The following PDZK1 variants were observed in gnomAD, a reference collection of about 807,000 sequenced individuals.
PDZK1 encodes PDZ domain containing 1, also known as Na(+)/H(+) exchange regulatory cofactor NHE-RF3.
A neutral mutation model predicts 38.1 loss-of-function variants in PDZK1; 23 were observed. That is an observed-to-expected ratio of 0.60 (90% confidence interval 0.43 to 0.85). The LOEUF is 0.85. Among genes scored for constraint, PDZK1 ranks in the 40% least tolerant of loss-of-function variants. The probability of loss-of-function intolerance (pLI) is 0.00; values close to 1 mark genes in which losing one functional copy is unlikely to be tolerated. For missense variants in PDZK1, 297 were observed against 504.3 expected, an observed-to-expected ratio of 0.59 and a Z score of 3.94; for synonymous variants, 98 against 186.2, an observed-to-expected ratio of 0.53 and a Z score of 3.86.
In PDZK1 at chr1:145,686,668, T is replaced by G. The variant is rs587706637; in HGVS notation, c.269A>C (p.Asp90Ala). The G allele has an allele frequency of 6.3e-7, 1 of 1,580,614 alleles. No individual in the cohort carries two copies. Among genetic ancestry groups the G allele is most frequent in the African/African-American group, 1.4e-5 (1 of 74,056 alleles). ...TGTTTTCACTGCTTTCTCATAGGAA[T>G]CCCCATCCAGAACTAGTAAAGTCAC... is the stretch of plus-strand genomic sequence containing the variant. ...NSVTLLVLDGDSYEKAVKTRV... is the reference protein window; with the variant it reads ...NSVTLLVLDGASYEKAVKTRV... The change falls in exon 3 of 9, where the codon GAT becomes GCT. Residue 90 changes from aspartate to alanine, a missense_variant. This residue lies in a region of PDZK1 where 159 missense variants were observed against 200.0 expected (regional missense o/e 0.79). Coordinates refer to ENST00000417171, the MANE Select transcript of PDZK1 (RefSeq NM_001201325.2).
At chr1:145,691,949 G>A (rs587758792) in intron 1 of PDZK1, 5 of 152,232 alleles carry the variant, frequency 3.3e-5, no homozygotes, top group East Asian at 1.9e-4. Context: ...GGAACCGCTC[G>A]GGGGTGAGAG....
At chr1:145,706,961 C>T (rs180833202) in intron 1 of PDZK1, among the ~76,000 whole-genome samples, 1 of 152,050 alleles carries the variant, frequency 6.6e-6, no homozygotes, top group East Asian at 1.9e-4. Flanking sequence ...AGGAAGGTCC[C>T]GGGCATATCC....
intron 3 of PDZK1, among the ~76,000 whole-genome samples, chr1:145,684,524 A>G (rs1208879817): frequency 4.7e-4 from 71 of 152,158 alleles, no homozygotes; most frequent in African/African-American, 1.6e-3. Flanking sequence ...ATTATTTTTT[A>G]TTGATACATA....
chr1:145,677,939 A>AAAAAAAC (rs1653871165), intron 6 of PDZK1, among the ~76,000 whole-genome samples: 1 of 122,196 alleles, frequency 8.2e-6, no homozygotes, highest in East Asian at 2.5e-4. Flanking sequence ...AAAAAAAAAA[A>AAAAAAAC]CCTTAAAACA....
chr1:145,698,641 AG>A (rs2101929610), intron 1 of PDZK1, among the ~76,000 whole-genome samples: 1 of 152,154 alleles, frequency 6.6e-6, no homozygotes, highest in East Asian at 1.9e-4. Context: ...TTAAAACATA[AG>A]GGTAGGCCAG....
intron 3 of PDZK1, among the ~76,000 whole-genome samples, chr1:145,684,301 C>T (rs1217140811): frequency 6.6e-6 from 1 of 151,326 alleles, no homozygotes; most frequent in Non-Finnish European, 1.5e-5. Context: ...CTCCGCCTCC[C>T]GGGTTCACAC....
At chr1:145,680,099 G>T (rs1160190671) in intron 5 of PDZK1, among the ~76,000 whole-genome samples, 22 of 152,002 alleles carry the variant, frequency 1.4e-4, no homozygotes, top group Non-Finnish European at 2.8e-4. Context: ...CTCTAACGTT[G>T]AATTATCACA....
intron 3 of PDZK1, among the ~76,000 whole-genome samples, chr1:145,683,442 CTAT>C (rs1654451976): frequency 6.6e-6 from 1 of 152,202 alleles, no homozygotes; most frequent in South Asian, 2.1e-4. Flanking sequence ...TCAGTTTGTA[CTAT>C]TATATTAGCC....
rs10564713 is a variant in PDZK1, at chr1:145,697,763, A to ATTTTTTT, written c.-3+9547_-3+9553dup. ...AGGCACCCGCCACCATGCCCAGCTA[A>ATTTTTTT]TTTTTTTTTTTTTTTTTTTTTTTTT... On this transcript the variant is annotated intron_variant, in intron 1 of 8. Transcript: ENST00000417171. Among the ~76,000 whole-genome samples, 2 of 44,978 alleles carry ATTTTTTT rather than the reference A, an allele frequency of 4.4e-5. 1 individual carries two copies. Among genetic ancestry groups the ATTTTTTT allele is most frequent in the African/African-American group, 2.0e-4 (2 of 10,196 alleles). The allele number at this position is 44,978 out of a possible 152,430, so 29.5% of individuals were successfully genotyped here.
chr1:145,685,268 G>A (rs1159689785), intron 3 of PDZK1, among the ~76,000 whole-genome samples: 2 of 152,066 alleles, frequency 1.3e-5, no homozygotes, highest in East Asian at 3.9e-4. Context: ...GCTTGCTAAT[G>A]ACTACATAAA....
intron 1 of PDZK1, among the ~76,000 whole-genome samples, chr1:145,696,101 AT>A (rs1488151567): frequency 6.6e-6 from 1 of 152,186 alleles, no homozygotes; most frequent in East Asian, 1.9e-4. Flanking sequence ...ATGAGGAAAG[AT>A]CCCCTGTCGC....
chr1:145,695,442 G>C lies in PDZK1; in HGVS notation c.-2-7419C>G, dbSNP rs980296144. Among the ~76,000 whole-genome samples, 10 of 151,982 alleles carry C rather than the reference G, an allele frequency of 6.6e-5. No individual in the cohort carries two copies. The East Asian group carries it at 1.9e-3, about 29-fold the overall frequency. On this transcript the variant is annotated intron_variant, in intron 1 of 8. Coordinates refer to ENST00000417171, the MANE Select transcript of PDZK1 (RefSeq NM_001201325.2). ...TCGAAAGAGAGAAAGAGGAGAGAGAGAGAGAGAGAAAGAGGAGAGCAAGAG... is the reference window on the plus strand; with the variant it reads ...TCGAAAGAGAGAAAGAGGAGAGAGACAGAGAGAGAAAGAGGAGAGCAAGAG...
intron 1 of PDZK1, among the ~76,000 whole-genome samples, chr1:145,700,961 T>C (rs1553704877): frequency 6.6e-6 from 1 of 152,054 alleles, no homozygotes; most frequent in African/African-American, 2.4e-5. Flanking sequence ...TCCCAGCAGT[T>C]TGGGAGGCTG....
intron 6 of PDZK1, among the ~76,000 whole-genome samples, chr1:145,677,965 T>A (rs1653876731): frequency 7.2e-6 from 1 of 138,884 alleles, no homozygotes; most frequent in Non-Finnish European, 1.5e-5. Context: ...TAGTGGGTGT[T>A]ATGATAAAGA....
intron 5 of PDZK1, among the ~76,000 whole-genome samples, chr1:145,680,003 C>G (rs1469497860): frequency 1.3e-5 from 2 of 152,126 alleles, no homozygotes; most frequent in Admixed American, 1.3e-4. Context: ...GTCTACTTTC[C>G]CAAATCTATT....
At chr1:145,696,715 A>C (rs987448325) in intron 1 of PDZK1, among the ~76,000 whole-genome samples, 3 of 152,206 alleles carry the variant, frequency 2.0e-5, no homozygotes, top group Non-Finnish European at 4.4e-5. Context: ...CCTTCTGAGG[A>C]ATGCTGCCCA....
At chr1:145,680,577 T>C (rs1192606402) in intron 5 of PDZK1, among the ~76,000 whole-genome samples, 1 of 152,138 alleles carries the variant, frequency 6.6e-6, no homozygotes, top group Non-Finnish European at 1.5e-5. Context: ...AAGTTGAAAC[T>C]GGACATGGGA....
chr1:145,695,416 G>T (rs587761671), intron 1 of PDZK1, among the ~76,000 whole-genome samples: 46 of 151,846 alleles, frequency 3.0e-4, no homozygotes, highest in Non-Finnish European at 5.1e-4. Context: ...GTGAGACACT[G>T]TCGAAAGAGA....
intron 1 of PDZK1, among the ~76,000 whole-genome samples, chr1:145,693,532 G>T (rs1655408201): frequency 7.4e-6 from 1 of 135,946 alleles, no homozygotes; most frequent in South Asian, 2.1e-4. Context: ...ACTTTGGGAG[G>T]CCGAGGCCGA....
Sources: gnomAD v4.1 joint callset for allele counts (sites outside exome capture counted in the v4.1 genomes callset) on GRCh38, gnomAD v4.1.1 for gene constraint, gnomAD v4.1.1 regional missense constraint, MANE v1.5 for transcripts, NCBI Gene and HGNC (gene_info 2026-07-23, HGNC 2026-07-21) for gene names.